SLC8A1: variants seen among roughly 807,000 people sequenced by gnomAD.
The protein encoded by SLC8A1 is solute carrier family 8 member A1, also known as sodium/calcium exchanger 1.
In SLC8A1, 18 loss-of-function variants were observed where a neutral mutation model predicts 68.3. The ratio of observed to expected loss-of-function variants is 0.26; its 90% CI spans 0.18 to 0.39. SLC8A1 has a LOEUF of 0.39. Ranked by LOEUF, SLC8A1 falls within the 10% of genes least tolerant of loss-of-function variation. SLC8A1 has a pLI of 1.00. For synonymous variants in SLC8A1, 475 were observed against 415.5 expected, an observed-to-expected ratio of 1.14 and a Z score of -1.74; for missense variants, 985 against 1,156.7, an observed-to-expected ratio of 0.85 and a Z score of 2.15.
At chr2:40,456,088 G>C (rs776574928), upstream of SLC8A1, among the ~76,000 whole-genome samples, 63 of 152,106 alleles carry the variant, frequency 4.1e-4, no homozygotes, top group Non-Finnish European at 1.3e-4. Flanking sequence ...AGGTTGAGGC[G>C]GGTGGATCAC....
intron 1 of SLC8A1, among the ~76,000 whole-genome samples, chr2:40,510,687 A>G (rs947527974): frequency 6.6e-6 from 1 of 152,172 alleles, no homozygotes; most frequent in Non-Finnish European, 1.5e-5. Flanking sequence ...AAGAAGGCAT[A>G]GTTTATTCTC....
chr2:40,174,502 A>G (rs1308867694), intron 4 of SLC8A1, among the ~76,000 whole-genome samples: 1 of 152,152 alleles, frequency 6.6e-6, no homozygotes, highest in African/African-American at 2.4e-5. Flanking sequence ...CAAAATATGA[A>G]CAGTTACAGT....
intron 6 of SLC8A1, among the ~76,000 whole-genome samples, chr2:40,140,722 C>T (rs973747142): frequency 6.6e-6 from 1 of 152,222 alleles, no homozygotes. Context: ...ATCTTTGTGT[C>T]CCTGCTGTTT....
intron 4 of SLC8A1, among the ~76,000 whole-genome samples, chr2:40,167,986 A>G (rs2046830288): frequency 6.6e-6 from 1 of 152,152 alleles, no homozygotes; most frequent in African/African-American, 2.4e-5. Flanking sequence ...GGTGCTCAAT[A>G]AGCATTTGCT....
chr2:40,244,058 A>AG (rs2061538459), intron 2 of SLC8A1, among the ~76,000 whole-genome samples: 1 of 151,256 alleles, frequency 6.6e-6, no homozygotes, highest in African/African-American at 2.4e-5. Flanking sequence ...ATTAAAAAAA[A>AG]TGAACATCTG....
chr2:40,428,751 C>T (rs1036133258), exon 2 of SLC8A1: 1 of 1,613,770 alleles, frequency 6.2e-7, no homozygotes, highest in Non-Finnish European at 8.5e-7. Context: ...GATTGGCTTC[C>T]AGTATGCCAT....
intron 2 of SLC8A1, among the ~76,000 whole-genome samples, chr2:40,405,635 G>A (rs1690103922): frequency 6.6e-6 from 1 of 152,142 alleles, no homozygotes; most frequent in African/African-American, 2.4e-5. Context: ...TGGTTTGTGT[G>A]TGTTTCTTTT....
chr2:40,340,076 G>A (rs909152049), intron 2 of SLC8A1, among the ~76,000 whole-genome samples: 8 of 152,064 alleles, frequency 5.3e-5, no homozygotes, highest in African/African-American at 7.2e-5. Context: ...AACTTCCAAC[G>A]GTCATTGTAG....
At chr2:40,311,237 G>A (rs4952608) in intron 2 of SLC8A1, among the ~76,000 whole-genome samples, 27,420 of 151,818 alleles carry the variant, frequency 0.18, 3,108 homozygotes, top group East Asian at 0.37. Flanking sequence ...AAAACACTTG[G>A]TGTTCAACAG....
At chr2:40,165,941 ACTT>A (rs1170143591) in intron 4 of SLC8A1, among the ~76,000 whole-genome samples, 14 of 152,152 alleles carry the variant, frequency 9.2e-5, no homozygotes, top group Non-Finnish European at 1.9e-4. Context: ...AAGACAAGCT[ACTT>A]CTTCTCAGAT....
chr2:40,209,091 A>G lies in SLC8A1; in HGVS notation c.1809-31236T>C, dbSNP rs946434822. 6 of 152,174 alleles carry G rather than the reference A, an allele frequency of 3.9e-5. No individual in the cohort carries two copies. In the South Asian group the frequency reaches 6.2e-4, roughly 16 times the overall value. 9.4% of individuals were successfully genotyped at this position (152,174 alleles called of 1,614,324 possible). A position where few individuals can be genotyped will look rare whatever the true frequency, so the allele number is the denominator to read the frequency against. ...CCTGTCCTTGAGATGAGACAGGTGC[A>G]TGTAATATATAATAATTAAAGTATT... On this transcript the variant is annotated intron_variant, in intron 2 of 7. Coordinates refer to ENST00000406785, the Ensembl canonical transcript of SLC8A1.
At chr2:40,135,732 A>G (rs1203278783) in intron 7 of SLC8A1, among the ~76,000 whole-genome samples, 1 of 152,146 alleles carries the variant, frequency 6.6e-6, no homozygotes, top group Non-Finnish European at 1.5e-5. Flanking sequence ...AAACATAAAT[A>G]CAATTAAAAA....
intron 6 of SLC8A1, among the ~76,000 whole-genome samples, chr2:40,159,021 T>C (rs367960431): frequency 2.0e-4 from 30 of 152,324 alleles, no homozygotes; most frequent in East Asian, 1.7e-3. Flanking sequence ...AATGTTTCCT[T>C]GTTCTTGAGA....
chr2:40,265,857 A>G (rs535086222), intron 2 of SLC8A1, among the ~76,000 whole-genome samples: 3 of 152,242 alleles, frequency 2.0e-5, no homozygotes, highest in Admixed American at 2.0e-4. Context: ...CCAGGCATAA[A>G]GAAAAAAAAA....
intron 2 of SLC8A1, among the ~76,000 whole-genome samples, chr2:40,224,530 C>A (rs115441434): frequency 0.014 from 2,137 of 152,182 alleles, 59 homozygotes; most frequent in African/African-American, 0.049. Context: ...CACACCTCAT[C>A]TGATCCATGG....
chr2:40,444,691 A>G (rs1701111323), intron 1 of SLC8A1, among the ~76,000 whole-genome samples: 4 of 152,230 alleles, frequency 2.6e-5, no homozygotes, highest in Admixed American at 2.6e-4. Flanking sequence ...ATTACTGGAA[A>G]AAAAAGAATA....
intron 6 of SLC8A1, among the ~76,000 whole-genome samples, chr2:40,143,783 G>A (rs1002600650): frequency 6.6e-6 from 1 of 152,128 alleles, no homozygotes; most frequent in Non-Finnish European, 1.5e-5. Context: ...TTCTTTTAAA[G>A]TAAACAGGTG....
In SLC8A1 at chr2:40,127,161, T is replaced by C. The variant is rs79030842; in HGVS notation, c.2438-11532A>G. On this transcript the variant is annotated intron_variant, in intron 7 of 7. Coordinates refer to ENST00000406785, the Ensembl canonical transcript of SLC8A1. ...ATTGGCATTGTCAAAATACAGTGTT[T>C]CATTGTGAATATTTCTTGTCATTAG... Among the ~76,000 whole-genome samples the C allele has an allele frequency of 9.1e-3, 1,380 of 152,316 alleles. 13 individuals carry two copies. The highest frequency in any genetic ancestry group is 0.031 in the African/African-American group (1,288 of 41,554).
chr2:40,396,604 A>G (rs940537261), intron 2 of SLC8A1, among the ~76,000 whole-genome samples: 1 of 152,084 alleles, frequency 6.6e-6, no homozygotes, highest in Non-Finnish European at 1.5e-5. Context: ...GGCAATGAAA[A>G]AAATGTGTTG....
Sources: gnomAD v4.1 joint callset for allele counts (sites outside exome capture counted in the v4.1 genomes callset) on GRCh38, gnomAD v4.1.1 for gene constraint, MANE v1.5 for transcripts, NCBI Gene and HGNC (gene_info 2026-07-23, HGNC 2026-07-21) for gene names.